CMIP: variants seen among roughly 807,000 people sequenced by gnomAD.
CMIP encodes C-Maf-inducing protein.
In CMIP, 13 loss-of-function variants were observed where a neutral mutation model predicts 97.3. That is an observed-to-expected ratio of 0.13 (90% confidence interval 0.09 to 0.21). The LOEUF (loss-of-function observed/expected upper bound fraction) is 0.21, where lower values mean the gene tolerates loss of function less well. Ranked by LOEUF, CMIP falls within the 10% of genes least tolerant of loss-of-function variation. The pLI, the probability that CMIP is intolerant of heterozygous loss-of-function variation, is 1.00. For missense variants in CMIP, 847 were observed against 1,024.9 expected (o/e 0.83, Z 2.37); for synonymous variants, 538 against 436.3 (o/e 1.23, Z -2.91).
intron 1 of CMIP, among the ~76,000 whole-genome samples, chr16:81,569,136 C>T (rs1180518179): frequency 6.6e-6 from 1 of 152,222 alleles, no homozygotes; most frequent in Admixed American, 6.5e-5. Context: ...TCGCCCTCCT[C>T]TAAATTGGAT....
At position 81,645,385 on chromosome 16, in the gene CMIP, C is replaced by T. The variant is rs370055110; in HGVS notation, c.478-6818C>T. 2.3e-3 allele frequency: 3,363 copies of T among 1,457,770 alleles called. 50 individuals carry two copies. In the South Asian group the frequency reaches 0.024, roughly 10 times the overall value. The allele number at this position is 1,457,770 out of a possible 1,614,324, so 90.3% of individuals were successfully genotyped here. On this transcript the variant is annotated intron_variant, in intron 3 of 20. Transcript: ENST00000537098. ...GTACGCGCGCGAGCCCCAGAGGCTG[C>T]GGCAGCAGCAGAGCAGCAGAGCAGC...
chr16:81,601,504 C>A (rs1250483464), intron 1 of CMIP, among the ~76,000 whole-genome samples: 2 of 152,162 alleles, frequency 1.3e-5, no homozygotes, highest in Non-Finnish European at 2.9e-5. Context: ...CTGAAGATCT[C>A]TGGGGGTTCA....
Position 81,696,257 on chromosome 16 carries a change from T to A in CMIP, c.1531-303T>A, listed in dbSNP as rs1310883637. 4 of 476,454 alleles carry A rather than the reference T, an allele frequency of 8.4e-6. No homozygotes were observed. The South Asian group carries it at 9.1e-5, about 11-fold the overall frequency. 29.5% of individuals were successfully genotyped at this position (476,454 alleles called of 1,614,324 possible). A position where few individuals can be genotyped will look rare whatever the true frequency, so the allele number is the denominator to read the frequency against. The stretch of plus-strand genomic sequence containing the variant: ...TGTGGGCGGTTGCTCTGGGCATCTC[T>A]ACCTGCTGCAGCCACAGGCCCGCTT... On this transcript the variant is annotated intron_variant, in intron 13 of 20. Coordinates refer to ENST00000537098, the MANE Select transcript of CMIP (RefSeq NM_198390.3).
chr16:81,678,488 G>C lies in CMIP; in HGVS notation c.1248G>C (p.Leu416=), dbSNP rs1200123676. 1.4e-5 allele frequency: 22 copies of C among 1,597,990 alleles called. No individual in the cohort carries two copies. The South Asian group carries it at 2.5e-4, about 18-fold the overall frequency. ...GCACCAGCACTGCCAAGCCGGCGCTGACGGCCAGCGCAGGCAACGACAGCG... is the reference window on the plus strand; with the variant it reads ...GCACCAGCACTGCCAAGCCGGCGCTCACGGCCAGCGCAGGCAACGACAGCG... ...VERTSTAKPA[L]TASAGNDSEP... is the part of the protein sequence containing the mutation. The change falls in exon 10 of 21, where the codon CTG becomes CTC. Residue 416 remains leucine, a synonymous_variant. Coordinates refer to ENST00000537098, the MANE Select transcript of CMIP (RefSeq NM_198390.3).
chr16:81,488,227 G>T (rs1567540494), intron 1 of CMIP, among the ~76,000 whole-genome samples: 1 of 152,090 alleles, frequency 6.6e-6, no homozygotes, highest in Non-Finnish European at 1.5e-5. Context: ...GAGTGCGACC[G>T]TAGGGGGTTA....
chr16:81,553,479 C>T (rs12599980), intron 1 of CMIP, among the ~76,000 whole-genome samples: 70,611 of 151,816 alleles, frequency 0.47, 16,997 homozygotes, highest in East Asian at 0.75. Context: ...GTTTCAGAGT[C>T]GTCTGATGAA....
At chr16:81,452,466 G>A (rs1178687048) in intron 1 of CMIP, among the ~76,000 whole-genome samples, 4 of 152,148 alleles carry the variant, frequency 2.6e-5, no homozygotes, top group Non-Finnish European at 5.9e-5. Flanking sequence ...TGTGTTGGTG[G>A]GAGTGGACAA....
At chr16:81,707,199 G>C (rs1039631973) in intron 20 of CMIP, 115 bp downstream of exon 20, 58 of 806,980 alleles carry the variant, frequency 7.2e-5, no homozygotes, top group Non-Finnish European at 1.1e-4. Flanking sequence ...GACATCTACA[G>C]ATCAATACAT....
intron 1 of CMIP, among the ~76,000 whole-genome samples, chr16:81,574,217 C>T (rs912438232): frequency 1.4e-4 from 21 of 152,234 alleles, no homozygotes; most frequent in Non-Finnish European, 2.5e-4. Flanking sequence ...GCCCAGGGAG[C>T]CCACCTGCCC....
intron 1 of CMIP, among the ~76,000 whole-genome samples, chr16:81,601,448 A>T (rs538517411): frequency 6.6e-6 from 1 of 151,784 alleles, no homozygotes; most frequent in African/African-American, 2.4e-5. Flanking sequence ...TTCCCCACCC[A>T]CTCTGGAAGC....
At chr16:81,599,606 A>C (rs143288677) in intron 1 of CMIP, among the ~76,000 whole-genome samples, 11 of 152,298 alleles carry the variant, frequency 7.2e-5, no homozygotes, top group African/African-American at 2.4e-4. Context: ...GTGTGTGAGC[A>C]CAAAGGTACA....
intron 1 of CMIP, among the ~76,000 whole-genome samples, chr16:81,546,874 C>T (rs1232276932): frequency 1.3e-5 from 2 of 152,214 alleles, no homozygotes; most frequent in Non-Finnish European, 2.9e-5. Context: ...CACGTAGCCA[C>T]ACTTCAGTGC....
chr16:81,510,414 C>T (rs1477215899), intron 1 of CMIP, among the ~76,000 whole-genome samples: 1 of 152,222 alleles, frequency 6.6e-6, no homozygotes, highest in Non-Finnish European at 1.5e-5. Context: ...TATGTGCTCT[C>T]AGCTAAGCAC....
intron 3 of CMIP, among the ~76,000 whole-genome samples, chr16:81,641,875 G>C (rs944008697): frequency 1.3e-5 from 2 of 152,174 alleles, no homozygotes; most frequent in Non-Finnish European, 2.9e-5. Flanking sequence ...TTGCCTCTCG[G>C]AGTGGCATGA....
chr16:81,535,620 G>C (rs2090327920), intron 1 of CMIP, among the ~76,000 whole-genome samples: 1 of 152,028 alleles, frequency 6.6e-6, no homozygotes, highest in Non-Finnish European at 1.5e-5. Context: ...TAATCTATTA[G>C]TAATAATACA....
intron 1 of CMIP, among the ~76,000 whole-genome samples, chr16:81,542,227 C>T (rs1272187665): frequency 6.6e-6 from 1 of 152,164 alleles, no homozygotes; most frequent in African/African-American, 2.4e-5. Context: ...AAGTTGAAGA[C>T]TCCTAGGCGG....
intron 1 of CMIP, among the ~76,000 whole-genome samples, chr16:81,556,213 G>T (rs939000683): frequency 6.6e-6 from 1 of 152,100 alleles, no homozygotes; most frequent in Non-Finnish European, 1.5e-5. Context: ...GTTCTAGCCC[G>T]GGTGGGGTGG....
intron 1 of CMIP, among the ~76,000 whole-genome samples, chr16:81,558,804 A>T (rs2090819569): frequency 1.3e-5 from 2 of 152,162 alleles, no homozygotes; most frequent in Non-Finnish European, 2.9e-5. Flanking sequence ...TTGGCATAAA[A>T]TGTGTTGAGA....
At chr16:81,671,223 G>A (rs550923162) in intron 8 of CMIP, among the ~76,000 whole-genome samples, 12 of 152,306 alleles carry the variant, frequency 7.9e-5, no homozygotes, top group East Asian at 7.7e-4. Flanking sequence ...TCACGAAGTC[G>A]TTTGAGGTTG....
Sources: allele counts gnomAD v4.1 joint callset (sites outside exome capture counted in the v4.1 genomes callset), GRCh38; gene constraint gnomAD v4.1.1; transcripts MANE v1.5; gene names NCBI Gene and HGNC (gene_info 2026-07-23, HGNC 2026-07-21).